The following PKIB variants were observed in gnomAD, a reference collection of about 807,000 sequenced individuals.
PKIB encodes the protein cAMP-dependent protein kinase inhibitor beta, also known as PKI-beta.
Under a neutral mutation model 4.5 loss-of-function variants are expected in PKIB, and 2 were observed. The ratio of observed to expected loss-of-function variants is 0.44; its 90% CI spans 0.18 to 1.39. The LOEUF is 1.39. Among genes scored for constraint, PKIB ranks in the 40% most tolerant of loss-of-function variants. PKIB has a pLI of 0.27. For synonymous variants in PKIB, 38 were observed against 36.0 expected (o/e 1.06, Z -0.20); for missense variants, 94 against 92.6 (o/e 1.02, Z -0.06).
chr6:122,515,776 C>T (rs369875045), intron 2 of PKIB, among the ~76,000 whole-genome samples: 9 of 152,064 alleles, frequency 5.9e-5, no homozygotes, highest in South Asian at 2.1e-4. Flanking sequence ...AGTACAGTGG[C>T]GTGATCTTGG....
chr6:122,676,992 G>C (rs983406092), intron 3 of PKIB, among the ~76,000 whole-genome samples: 2 of 152,050 alleles, frequency 1.3e-5, no homozygotes, highest in East Asian at 1.9e-4. Context: ...TTGTTTTATA[G>C]ATCTTGAGGT....
At chr6:122,516,162 T>C (rs1324430643) in intron 2 of PKIB, among the ~76,000 whole-genome samples, 1 of 152,210 alleles carries the variant, frequency 6.6e-6, no homozygotes, top group Non-Finnish European at 1.5e-5. Flanking sequence ...AGCACACACG[T>C]AACTACTTGA....
chr6:122,698,637 C>T (rs1778675505), intron 3 of PKIB, among the ~76,000 whole-genome samples: 1 of 152,192 alleles, frequency 6.6e-6, no homozygotes, highest in African/African-American at 2.4e-5. Context: ...GATGAGGTCG[C>T]TGAAGCCTCT....
chr6:122,702,185 CTA>C (rs1778840064), intron 3 of PKIB, among the ~76,000 whole-genome samples: 1 of 151,684 alleles, frequency 6.6e-6, no homozygotes, highest in South Asian at 2.1e-4. Context: ...ACTGTGTAGT[CTA>C]TGTAATCCGA....
At chr6:122,684,900 G>A (rs140495343) in intron 3 of PKIB, among the ~76,000 whole-genome samples, 1 of 152,066 alleles carries the variant, frequency 6.6e-6, no homozygotes, top group Non-Finnish European at 1.5e-5. Context: ...AACTGGATAA[G>A]GTATGCTTTG....
At chr6:122,578,756 A>T (rs574789478) in intron 2 of PKIB, among the ~76,000 whole-genome samples, 10 of 152,114 alleles carry the variant, frequency 6.6e-5, no homozygotes, top group African/African-American at 2.2e-4. Context: ...CCCAAATCTC[A>T]TCTTGAATTG....
At chr6:122,479,374 C>T (rs929894826) in intron 2 of PKIB, 1 of 151,990 alleles carries the variant, frequency 6.6e-6, no homozygotes, top group Non-Finnish European at 1.5e-5. Context: ...TAAGAATCAA[C>T]AAAGGGGAAA....
chr6:122,529,426 C>G (rs1208260548), intron 2 of PKIB, among the ~76,000 whole-genome samples: 1 of 152,080 alleles, frequency 6.6e-6, no homozygotes, highest in Non-Finnish European at 1.5e-5. Flanking sequence ...GACTTTATAG[C>G]TTTTGAATTT....
chr6:122,565,630 C>G (rs1329455557), intron 2 of PKIB, among the ~76,000 whole-genome samples: 1 of 152,118 alleles, frequency 6.6e-6, no homozygotes, highest in African/African-American at 2.4e-5. Flanking sequence ...GTCTACTTTT[C>G]TACTGTATAG....
intron 1 of PKIB, among the ~76,000 whole-genome samples, chr6:122,610,905 C>G (rs1774726032): frequency 6.6e-6 from 1 of 152,140 alleles, no homozygotes; most frequent in African/African-American, 2.4e-5. Context: ...CCAAGTCTTT[C>G]CCCTGGGCGG....
At chr6:122,681,152 T>G (rs112345558) in intron 3 of PKIB, among the ~76,000 whole-genome samples, 227 of 151,942 alleles carry the variant, frequency 1.5e-3, no homozygotes, top group African/African-American at 5.3e-3. Context: ...CATAAAACCT[T>G]GTAATTTTTT....
At chr6:122,674,944 C>T (rs1003797519) in intron 2 of PKIB, 134 bp from the exon 3 acceptor site, 1 of 152,042 alleles carries the variant, frequency 6.6e-6, no homozygotes, top group Non-Finnish European at 1.5e-5. Flanking sequence ...TTCGGCTTTT[C>T]CCGAGAAAGT....
At chr6:122,496,165 T>C (rs758743190) in intron 2 of PKIB, among the ~76,000 whole-genome samples, 11 of 152,170 alleles carry the variant, frequency 7.2e-5, no homozygotes, top group Non-Finnish European at 1.6e-4. Context: ...TGCTCTTACC[T>C]GCAAGTGCTG....
chr6:122,554,461 G>A (rs1313437287), intron 2 of PKIB, among the ~76,000 whole-genome samples: 1 of 152,150 alleles, frequency 6.6e-6, no homozygotes, highest in African/African-American at 2.4e-5. Flanking sequence ...GTTCTGATAC[G>A]TTTATAAGGC....
chr6:122,707,932 G>A (rs1301948729), intron 3 of PKIB, among the ~76,000 whole-genome samples: 1 of 150,852 alleles, frequency 6.6e-6, no homozygotes, highest in East Asian at 2.0e-4. Flanking sequence ...CCAACAACAA[G>A]CATATATTAA....
intron 2 of PKIB, among the ~76,000 whole-genome samples, chr6:122,486,581 T>A (rs1775773192): frequency 6.6e-6 from 1 of 152,124 alleles, no homozygotes; most frequent in African/African-American, 2.4e-5. Flanking sequence ...TTTGTGTGTA[T>A]GATTTTTTTT....
intron 2 of PKIB, among the ~76,000 whole-genome samples, chr6:122,529,931 G>A (rs1288775832): frequency 1.3e-5 from 2 of 151,966 alleles, no homozygotes. Flanking sequence ...GATTTACATT[G>A]GTTGGAGTTT....
intron 2 of PKIB, among the ~76,000 whole-genome samples, chr6:122,533,146 T>TTTTATTTA (rs57942146): frequency 2.7e-4 from 28 of 105,484 alleles, no homozygotes; most frequent in East Asian, 1.4e-3. Flanking sequence ...GCACAAAACT[T>TTTTATTTA]TTTATTTATT....
intron 2 of PKIB, chr6:122,479,535 C>T (rs900685858): frequency 1.3e-5 from 2 of 152,150 alleles, no homozygotes; most frequent in Admixed American, 6.5e-5. Context: ...AATGAGAGTA[C>T]AATGCATTTA....
Sources: allele counts gnomAD v4.1 joint callset (sites outside exome capture counted in the v4.1 genomes callset), GRCh38; gene constraint gnomAD v4.1.1; transcripts MANE v1.5; gene names NCBI Gene and HGNC (gene_info 2026-07-23, HGNC 2026-07-21).